C6orf58: variants seen among roughly 807,000 people sequenced by gnomAD.
C6orf58 encodes the protein protein LEG1 homolog.
A neutral mutation model predicts 37.0 loss-of-function variants in C6orf58; 30 were observed. That is an observed-to-expected ratio of 0.81 (90% CI 0.61 to 1.10). The LOEUF is 1.10. C6orf58 is among the 50% of genes least tolerant of loss of function. The pLI is 0.00. For synonymous variants in C6orf58, 143 were observed against 134.1 expected, an observed-to-expected ratio of 1.07 and a Z score of -0.46; for missense variants, 368 against 387.5, an observed-to-expected ratio of 0.95 and a Z score of 0.42.
rs377275284 is a variant in C6orf58 at position 127,580,213 on chromosome 6, T to C, written c.389-52T>C. 3.9e-4 allele frequency: 536 copies of C among 1,383,214 alleles called. 3 individuals are homozygous for C. In the African/African-American group the frequency reaches 6.7e-3, roughly 17 times the overall value. 85.7% of individuals were successfully genotyped at this position (1,383,214 alleles called of 1,614,324 possible). On this transcript the variant is annotated intron_variant, in intron 2 of 5. Transcript: ENST00000329722. Reference sequence around the variant, plus strand: ...ACTTATGCCTTCCTTAAAAATATCCTCTTTGAAATTTGTTAGTGCTTGTAG... The same window carrying C: ...ACTTATGCCTTCCTTAAAAATATCCCCTTTGAAATTTGTTAGTGCTTGTAG...
chr6:127,587,827 G>A (rs1775121873), intron 4 of C6orf58, among the ~76,000 whole-genome samples: 2 of 152,198 alleles, frequency 1.3e-5, no homozygotes, highest in Non-Finnish European at 1.5e-5. Flanking sequence ...GCTGGCATAT[G>A]AGAAATATTC....
rs1037846538 is a variant in C6orf58, at chr6:127,581,199, T to C, written c.591T>C (p.Phe197=). The C allele has an allele frequency of 2.7e-6, 4 of 1,504,430 alleles. No homozygotes were observed. In the African/African-American group the frequency reaches 5.6e-5, roughly 21 times the overall value. 93.2% of individuals were successfully genotyped at this position (1,504,430 alleles called of 1,614,324 possible). A position where few individuals can be genotyped will look rare whatever the true frequency, so the allele number is the denominator to read the frequency against. ...NTFYQYLQSP[F]SKFDDLLKYL... ...TACCTTAGTATTTGCAGTCACCTTT[T>C]AGTAAGTTTGATGATCTGTTGAAGT... Residue 197 remains phenylalanine (F), a synonymous_variant, in exon 4 of 6, where the codon TTT becomes TTC. Transcript: ENST00000329722.
rs766269794 is a variant in C6orf58, at chr6:127,581,250, C to G, written c.642C>G (p.Thr214=). ...ACTTATGGGCTGCACACACTTCAAC[C>G]TTGGCAGATAATATCAAAAGTTTTG... ...LKYLWAAHTS[T]LADNIKSFED... Residue 214 remains threonine, a synonymous_variant, in exon 4 of 6, where the codon ACC becomes ACG. Transcript: ENST00000329722. The G allele has an allele frequency of 7.9e-6, 12 of 1,523,386 alleles. No individual in the cohort carries two copies. Among genetic ancestry groups the G allele is most frequent in the Non-Finnish European group, 1.1e-5 (12 of 1,129,806 alleles). The allele number at this position is 1,523,386 out of a possible 1,614,324, so 94.4% of individuals were successfully genotyped here.
rs1353242228 is a variant in C6orf58, at chr6:127,577,327, A to T, written c.142A>T (p.Ser48Cys). ...GCTCAGTGACTACAGGGTGGAGAACAGCATGTACATTATTAATCCCTGGGT... is the reference window on the plus strand; with the variant it reads ...GCTCAGTGACTACAGGGTGGAGAACTGCATGTACATTATTAATCCCTGGGT... ...GQLSDYRVEN[S>C]MYIINPWVYL... Residue 48 changes from serine to cysteine, a missense_variant, in exon 1 of 6, where the codon AGC (serine) becomes TGC (cysteine). Physicochemically the swap from Ser to Cys is moderately radical, Grantham distance 112 (BLOSUM62 -1). Coordinates refer to ENST00000329722, the MANE Select transcript of C6orf58 (RefSeq NM_001010905.3). The T allele has an allele frequency of 6.2e-7, 1 of 1,613,730 alleles. No individual in the cohort carries two copies. Among genetic ancestry groups the T allele is most frequent in the Admixed American group, 1.7e-5 (1 of 59,968 alleles).
intron 4 of C6orf58, among the ~76,000 whole-genome samples, chr6:127,584,508 A>G (rs931440396): frequency 6.6e-6 from 1 of 152,196 alleles, no homozygotes; most frequent in African/African-American, 2.4e-5. Flanking sequence ...TTTAAATGTC[A>G]GTTTTGGCTG....
At chr6:127,590,424 C>T in intron 5 of C6orf58, 99 bp downstream of exon 5, 1 of 762,196 alleles carries the variant, frequency 1.3e-6, no homozygotes. Context: ...TTACAGCACT[C>T]CAAAAATAAA....
chr6:127,580,090 C>A (rs1210283815), intron 2 of C6orf58, among the ~76,000 whole-genome samples, 175 bp from the exon 3 acceptor site: 2 of 151,974 alleles, frequency 1.3e-5, no homozygotes, highest in Non-Finnish European at 2.9e-5. Context: ...GAAATGCAAT[C>A]AAAGTTATAT....
At chr6:127,590,826 G>A (rs979491234) in intron 5 of C6orf58, among the ~76,000 whole-genome samples, 10 of 151,966 alleles carry the variant, frequency 6.6e-5, no homozygotes, top group African/African-American at 1.9e-4. Context: ...GGATCTTCTA[G>A]TGAGGTAAAA....
intron 4 of C6orf58, 111 bp from the exon 5 acceptor site, chr6:127,589,976 A>T (rs1583131623): frequency 1.4e-6 from 1 of 721,486 alleles, no homozygotes. Context: ...TTTCTAAATT[A>T]TAAAATTATG....
chr6:127,578,293 T>G (rs1010520020), intron 1 of C6orf58, among the ~76,000 whole-genome samples: 2 of 152,104 alleles, frequency 1.3e-5, no homozygotes, highest in Admixed American at 6.6e-5. Context: ...ATGAGAAAAC[T>G]AAGGCATTAG....
At position 127,578,722 on chromosome 6, in the gene C6orf58, G is replaced by A; in HGVS notation, c.338G>A (p.Gly113Asp). ...GATCCAACCCGAAGGACAAACTGTGGCTATGAATCTGGAGATCATATGTGC... is the reference window on the plus strand; with the variant it reads ...GATCCAACCCGAAGGACAAACTGTGACTATGAATCTGGAGATCATATGTGC... ...LADPTRRTNC[G>D]YESGDHMCIS... Residue 113 changes from glycine (G) to aspartate (D), a missense_variant, in exon 2 of 6, where the codon GGC (glycine) becomes GAC (aspartate). Coordinates refer to ENST00000329722, the MANE Select transcript of C6orf58 (RefSeq NM_001010905.3). 6.2e-7 allele frequency: 1 copy of A among 1,612,864 alleles called. No individual in the cohort carries two copies. The highest frequency in any genetic ancestry group is 8.5e-7 in the Non-Finnish European group (1 of 1,179,076).
chr6:127,582,288 A>G (rs1775058108), intron 4 of C6orf58, among the ~76,000 whole-genome samples: 1 of 152,178 alleles, frequency 6.6e-6, no homozygotes, highest in Non-Finnish European at 1.5e-5. Flanking sequence ...GGAAACTATT[A>G]TGATGGCTGT....
chr6:127,587,459 G>A (rs2114299126), intron 4 of C6orf58, among the ~76,000 whole-genome samples: 1 of 151,950 alleles, frequency 6.6e-6, no homozygotes, highest in East Asian at 1.9e-4. Flanking sequence ...GCTTATATTG[G>A]CAAAAGGTAA....
chr6:127,578,785 A>G lies in C6orf58; in HGVS notation c.388+13A>G. The G allele has an allele frequency of 1.3e-6, 2 of 1,590,512 alleles. No individual in the cohort carries two copies. Among genetic ancestry groups the G allele is most frequent in the South Asian group, 2.2e-5 (2 of 90,266 alleles). The stretch of plus-strand genomic sequence containing the variant: ...AGTTGGTGGGCTGGTATGTTCGTTT[A>G]AGTGGCAAAATAGATATTAACCTTT... On this transcript the variant is annotated intron_variant, in intron 2 of 5. Coordinates refer to ENST00000329722, the MANE Select transcript of C6orf58 (RefSeq NM_001010905.3).
chr6:127,589,943 A>T lies in C6orf58; in HGVS notation c.675-144A>T, dbSNP rs1430831913. The T allele has an allele frequency of 4.8e-6, 3 of 623,674 alleles. No homozygotes were observed. The African/African-American group carries it at 5.5e-5, about 12-fold the overall frequency. 38.6% of individuals were successfully genotyped at this position (623,674 alleles called of 1,614,324 possible). A position where few individuals can be genotyped will look rare whatever the true frequency, so the allele number is the denominator to read the frequency against. On this transcript the variant is annotated intron_variant, in intron 4 of 5. Transcript: ENST00000329722. ...TCACACCTCCTGAGGGATGGAATAA[A>T]GTCATCACAATATCAAGCCTATTTT...
chr6:127,578,274 AT>A lies in C6orf58; in HGVS notation c.302-411del, dbSNP rs1422742201. 3.9e-5 allele frequency among the ~76,000 whole-genome samples: 6 copies of A among 152,236 alleles called. No individual in the cohort carries two copies. The East Asian group carries it at 1.2e-3, about 29-fold the overall frequency. ...TAATGTAGTTAATATTATTATCCCC[AT>A]GTCATAGATGAGAAAACTAAGGCAT... On this transcript the variant is annotated intron_variant, in intron 1 of 5. Coordinates refer to ENST00000329722, the MANE Select transcript of C6orf58 (RefSeq NM_001010905.3).
chr6:127,582,230 T>G (rs1251876147), intron 4 of C6orf58, among the ~76,000 whole-genome samples: 4 of 152,190 alleles, frequency 2.6e-5, no homozygotes, highest in Admixed American at 2.6e-4. Flanking sequence ...ATAGAATGAA[T>G]AGCTGCATAA....
chr6:127,581,105 T>C, intron 3 of C6orf58, 77 bp from the exon 4 acceptor site: 2 of 611,680 alleles, frequency 3.3e-6, no homozygotes, highest in East Asian at 3.1e-5. Flanking sequence ...CTAAAATATA[T>C]CTGAACATGA....
At chr6:127,579,641 A>G (rs868355139) in intron 2 of C6orf58, among the ~76,000 whole-genome samples, 3 of 152,072 alleles carry the variant, frequency 2.0e-5, no homozygotes, top group Non-Finnish European at 2.9e-5. Flanking sequence ...AACTAATGAA[A>G]ATGTCTGAGT....
Sources: gnomAD v4.1 joint callset for allele counts (sites outside exome capture counted in the v4.1 genomes callset) on GRCh38, gnomAD v4.1.1 for gene constraint, MANE v1.5 for transcripts, NCBI Gene and HGNC (gene_info 2026-07-23, HGNC 2026-07-21) for gene names.